SESN1: variants seen among roughly 807,000 people sequenced by gnomAD.
SESN1 encodes the protein sestrin 1.
SESN1 carries 30 observed loss-of-function variants against 59.3 expected under a neutral mutation model. The ratio of observed to expected loss-of-function variants is 0.51; its 90% CI spans 0.38 to 0.69. SESN1 has a LOEUF of 0.69. Among genes scored for constraint, SESN1 ranks in the 30% least tolerant of loss-of-function variants. The pLI, the probability that SESN1 is intolerant of heterozygous loss-of-function variation, is 0.00. For missense variants in SESN1, 566 were observed against 673.0 expected, an observed-to-expected ratio of 0.84 and a Z score of 1.76; for synonymous variants, 197 against 219.9, an observed-to-expected ratio of 0.90 and a Z score of 0.92.
Position 109,066,063 on chromosome 6 carries a change from A to G in SESN1, c.279+27732T>C, listed in dbSNP as rs559057617. On this transcript the variant is annotated intron_variant, in intron 1 of 9. Coordinates refer to ENST00000436639, the MANE Select transcript of SESN1 (RefSeq NM_014454.3). The stretch of plus-strand genomic sequence containing the variant: ...AAGGTAAAATTATTAAACGAATACA[A>G]TAGTTCCTGGTTCTACATTCAAATT... 3.9e-5 allele frequency among the ~76,000 whole-genome samples: 6 copies of G among 152,254 alleles called. No individual in the cohort carries two copies. In the South Asian group the frequency reaches 1.2e-3, roughly 32 times the overall value.
chr6:109,008,915 G>A, intron 1 of SESN1: 1 of 987,938 alleles, frequency 1.0e-6, no homozygotes, highest in Non-Finnish European at 1.2e-6. Flanking sequence ...AGGAGGCAAA[G>A]GGGATGAAGG....
intron 6 of SESN1, among the ~76,000 whole-genome samples, chr6:108,993,557 G>A (rs750996010): frequency 2.5e-4 from 38 of 152,016 alleles, no homozygotes; most frequent in Non-Finnish European, 5.0e-4. Flanking sequence ...TAAGAAACTC[G>A]GTGCTCTTTC....
At chr6:109,015,566 T>C (rs1362765933) in intron 1 of SESN1, among the ~76,000 whole-genome samples, 2 of 152,300 alleles carry the variant, frequency 1.3e-5, no homozygotes, top group Middle Eastern at 6.8e-3. Flanking sequence ...GGAGAATTCA[T>C]TCAGACATAT....
intron 1 of SESN1, among the ~76,000 whole-genome samples, chr6:109,077,674 C>T (rs1781053139): frequency 6.6e-6 from 1 of 152,182 alleles, no homozygotes; most frequent in Admixed American, 6.5e-5. Context: ...AAGGTGGCTG[C>T]AAGTACTTCT....
Position 109,002,300 on chromosome 6 carries a change from C to CT in SESN1, c.322dup (p.Ser108LysfsTer15). On this transcript the variant is annotated frameshift_variant, in exon 2 of 10. Transcript: ENST00000436639. LOFTEE classifies it high-confidence loss of function. ...TACCTCCTTTTCTGGGATGAATCTG[C>CT]TTGGTCCCTGTCCTAGTGGTCGAGG... 1 of 1,613,370 alleles carries CT rather than the reference C, an allele frequency of 6.2e-7. No homozygotes were observed. Among genetic ancestry groups the CT allele is most frequent in the Non-Finnish European group, 8.5e-7 (1 of 1,179,422 alleles).
intron 1 of SESN1, among the ~76,000 whole-genome samples, chr6:109,056,422 A>G (rs1780634421): frequency 6.6e-6 from 1 of 152,092 alleles, no homozygotes; most frequent in Non-Finnish European, 1.5e-5. Flanking sequence ...AACAACAACA[A>G]AAAGCAATTT....
chr6:109,086,329 G>A (rs1781212917), intron 1 of SESN1, among the ~76,000 whole-genome samples: 1 of 152,030 alleles, frequency 6.6e-6, no homozygotes, highest in African/African-American at 2.4e-5. Flanking sequence ...TCCAGCCTGG[G>A]CAACAGAGTG....
At chr6:109,027,903 T>C (rs1780120374) in intron 1 of SESN1, among the ~76,000 whole-genome samples, 1 of 152,230 alleles carries the variant, frequency 6.6e-6, no homozygotes, top group Non-Finnish European at 1.5e-5. Flanking sequence ...AAACCTTTTG[T>C]CCATTTTTTA....
intron 1 of SESN1, among the ~76,000 whole-genome samples, chr6:109,038,934 A>G (rs1780289031): frequency 6.7e-6 from 1 of 149,990 alleles, no homozygotes; most frequent in African/African-American, 2.5e-5. Flanking sequence ...AGGAGAAGAA[A>G]AGAGAAGAAG....
intron 1 of SESN1, among the ~76,000 whole-genome samples, chr6:109,007,136 C>T (rs1481980502): frequency 1.3e-5 from 2 of 152,196 alleles, no homozygotes; most frequent in Non-Finnish European, 2.9e-5. Flanking sequence ...CACAATATTA[C>T]TTCTGATGTT....
Position 109,066,204 on chromosome 6 carries a change from T to C in SESN1, c.279+27591A>G, listed in dbSNP as rs145733952. 5.5e-4 allele frequency among the ~76,000 whole-genome samples: 83 copies of C among 152,278 alleles called. 1 individual carries two copies. The highest frequency in any genetic ancestry group is 1.9e-3 in the African/African-American group (81 of 41,576). On this transcript the variant is annotated intron_variant, in intron 1 of 9. Coordinates refer to ENST00000436639, the MANE Select transcript of SESN1 (RefSeq NM_014454.3). ...AAACTAAAACAAAAATACACAAATT[T>C]GTGATTTCTACCAAACTCTTTCCCT... is the stretch of plus-strand genomic sequence containing the variant.
At chr6:108,997,308 AAGG>A (rs1779520191) in intron 5 of SESN1, among the ~76,000 whole-genome samples, 1 of 152,206 alleles carries the variant, frequency 6.6e-6, no homozygotes, top group Admixed American at 6.5e-5. Flanking sequence ...TATTGGTAGC[AAGG>A]AGAAGAATCC....
intron 6 of SESN1, among the ~76,000 whole-genome samples, chr6:108,993,912 T>C (rs12153822): frequency 0.098 from 14,921 of 151,860 alleles, 898 homozygotes; most frequent in Middle Eastern, 0.19. Context: ...GAAGCAATCT[T>C]GGGACTATTT....
At chr6:109,088,736 G>A (rs1781260844) in intron 1 of SESN1, among the ~76,000 whole-genome samples, 1 of 152,112 alleles carries the variant, frequency 6.6e-6, no homozygotes, top group Non-Finnish European at 1.5e-5. Flanking sequence ...GTATCATCAA[G>A]ACTATAGTTC....
chr6:109,082,094 A>G (rs566954398), intron 1 of SESN1, among the ~76,000 whole-genome samples: 5 of 152,354 alleles, frequency 3.3e-5, no homozygotes, highest in South Asian at 4.1e-4. Flanking sequence ...TTAAATGTTT[A>G]TAAGTGAAAT....
At chr6:109,020,756 G>A (rs185516139) in intron 1 of SESN1, among the ~76,000 whole-genome samples, 186 of 152,202 alleles carry the variant, frequency 1.2e-3, no homozygotes, top group African/African-American at 4.4e-3. Context: ...CTGCAATATA[G>A]ACACAAAAAC....
intron 1 of SESN1, among the ~76,000 whole-genome samples, chr6:109,012,761 A>G (rs182904478): frequency 2.0e-5 from 3 of 152,150 alleles, no homozygotes; most frequent in African/African-American, 7.2e-5. Context: ...AGCAGAATAC[A>G]GGAAGCTCAA....
intron 1 of SESN1, among the ~76,000 whole-genome samples, chr6:109,035,980 C>T: frequency 6.6e-6 from 1 of 152,140 alleles, no homozygotes. Flanking sequence ...AATTGCCCTC[C>T]TTATTGTATC....
At chr6:109,061,820 A>C (rs1041277897) in intron 1 of SESN1, among the ~76,000 whole-genome samples, 20 of 152,194 alleles carry the variant, frequency 1.3e-4, no homozygotes, top group Non-Finnish European at 2.8e-4. Context: ...AAAATTAATT[A>C]ATCTAACAAA....
Sources: gnomAD v4.1 joint callset for allele counts (sites outside exome capture counted in the v4.1 genomes callset) on GRCh38, gnomAD v4.1.1 for gene constraint, MANE v1.5 for transcripts, NCBI Gene and HGNC (gene_info 2026-07-23, HGNC 2026-07-21) for gene names.